ATG7: variants seen among roughly 807,000 people sequenced by gnomAD.
ATG7 encodes the protein autophagy related 7.
In ATG7, 70 loss-of-function variants were observed where a neutral mutation model predicts 82.4. The ratio of observed to expected loss-of-function variants is 0.85; its 90% CI spans 0.70 to 1.04. The LOEUF (loss-of-function observed/expected upper bound fraction) is 1.04, where lower values mean the gene tolerates loss of function less well. Ranked by LOEUF, ATG7 falls within the 50% of genes least tolerant of loss-of-function variation. ATG7 has a pLI of 0.00. For synonymous variants in ATG7, 287 were observed against 313.0 expected (o/e 0.92, Z 0.88); for missense variants, 792 against 864.3 (o/e 0.92, Z 1.05).
At chr3:11,553,449 TC>T (rs2072028564) in intron 20 of ATG7, among the ~76,000 whole-genome samples, 1 of 152,110 alleles carries the variant, frequency 6.6e-6, no homozygotes. Context: ...CTCAGTTTCT[TC>T]CACTCGGACC....
At chr3:11,295,843 A>G (rs1376877585) in intron 3 of ATG7, among the ~76,000 whole-genome samples, 4 of 149,888 alleles carry the variant, frequency 2.7e-5, no homozygotes, top group African/African-American at 7.4e-5. Context: ...CTGGAGTGCA[A>G]TGGCACAATC....
chr3:11,295,504 G>T (rs1276474832), intron 3 of ATG7, among the ~76,000 whole-genome samples: 2 of 152,168 alleles, frequency 1.3e-5, no homozygotes, highest in African/African-American at 4.8e-5. Flanking sequence ...GACACAGTCA[G>T]TTACTCCCCT....
intron 19 of ATG7, among the ~76,000 whole-genome samples, chr3:11,399,421 ATAT>A (rs1434632095): frequency 6.6e-6 from 1 of 152,330 alleles, no homozygotes; most frequent in Admixed American, 6.5e-5. Flanking sequence ...AAATGAAGTG[ATAT>A]TATTAAGGAG....
chr3:11,443,165 A>G (rs1460302986), intron 20 of ATG7, among the ~76,000 whole-genome samples: 1 of 151,852 alleles, frequency 6.6e-6, no homozygotes, highest in Admixed American at 6.6e-5. Context: ...CACCATACAC[A>G]CTTCTGTGTG....
chr3:11,313,306 T>A lies in ATG7; in HGVS notation c.414T>A (p.Asp138Glu). The A allele has an allele frequency of 3.2e-6, 5 of 1,584,420 alleles. No individual in the cohort carries two copies. The highest frequency in any genetic ancestry group is 4.3e-6 in the Non-Finnish European group (5 of 1,157,492). Residue 138 changes from aspartate to glutamate, a missense_variant and splice_region_variant, in exon 8 of 21, where the codon GAT (aspartate) becomes GAA (glutamate). Transcript: ENST00000693202. ...LNKFLLLTFADLKKYHFYYWF... is the reference protein window; with the variant it reads ...LNKFLLLTFAELKKYHFYYWF... The stretch of plus-strand genomic sequence containing the variant: ...CTTATTTATACTTTTTTTTCTAGGA[T>A]CTAAAGAAGTACCACTTCTACTATT...
chr3:11,533,052 G>A (rs2092722322), intron 20 of ATG7, among the ~76,000 whole-genome samples: 1 of 152,196 alleles, frequency 6.6e-6, no homozygotes, highest in African/African-American at 2.4e-5. Context: ...AATGACTGGA[G>A]GAAAGGTCAG....
At chr3:11,456,172 G>A (rs968778430) in intron 20 of ATG7, among the ~76,000 whole-genome samples, 11 of 152,138 alleles carry the variant, frequency 7.2e-5, no homozygotes, top group African/African-American at 2.4e-4. Flanking sequence ...AACCCTGAGC[G>A]ATGACTAATC....
intron 20 of ATG7, chr3:11,510,359 G>T (rs2091989188): frequency 2.3e-6 from 1 of 434,148 alleles, no homozygotes; most frequent in East Asian, 7.5e-5. Context: ...ATTTGTCTTT[G>T]TAAGTTTGTC....
chr3:11,508,191 A>G (rs1418131059), intron 20 of ATG7, among the ~76,000 whole-genome samples: 2 of 152,092 alleles, frequency 1.3e-5, no homozygotes, highest in African/African-American at 4.8e-5. Flanking sequence ...CTAGCTATGG[A>G]CAGGCCCCTA....
At chr3:11,538,203 G>A (rs948255970) in intron 20 of ATG7, among the ~76,000 whole-genome samples, 16 of 152,314 alleles carry the variant, frequency 1.1e-4, no homozygotes, top group South Asian at 6.2e-4. Context: ...GGGAATAACC[G>A]AGGGCCTCGT....
At chr3:11,423,046 A>G (rs928707779) in intron 19 of ATG7, among the ~76,000 whole-genome samples, 1 of 152,100 alleles carries the variant, frequency 6.6e-6, no homozygotes, top group Non-Finnish European at 1.5e-5. Context: ...GGCATGAGCC[A>G]CCGGGCTTGG....
chr3:11,309,075 C>T lies in ATG7; in HGVS notation c.411+14C>T, dbSNP rs769769788. The T allele has an allele frequency of 1.9e-6, 3 of 1,607,134 alleles. No individual in the cohort carries two copies. The highest frequency in any genetic ancestry group is 1.7e-5 in the Admixed American group (1 of 59,990). On this transcript the variant is annotated intron_variant, in intron 7 of 20. Transcript: ENST00000693202. Reference sequence around the variant, plus strand: ...TTGACATTTGCAGTAAGTAAATGGGCTCTCGGTTGCACCGAGGTTGGTGAA... The same window carrying T: ...TTGACATTTGCAGTAAGTAAATGGGTTCTCGGTTGCACCGAGGTTGGTGAA...
chr3:11,477,115 G>A, intron 20 of ATG7: 1 of 1,289,722 alleles, frequency 7.8e-7, no homozygotes, highest in South Asian at 1.2e-5. Context: ...TTAAAAGGGA[G>A]CATGTTTGTA....
chr3:11,352,427 A>C (rs2075627826), intron 14 of ATG7, among the ~76,000 whole-genome samples: 1 of 152,200 alleles, frequency 6.6e-6, no homozygotes, highest in Non-Finnish European at 1.5e-5. Flanking sequence ...TAATCGCCAC[A>C]CTGTCTTGCA....
chr3:11,514,289 T>G (rs2092193806), intron 20 of ATG7, among the ~76,000 whole-genome samples: 1 of 152,214 alleles, frequency 6.6e-6, no homozygotes, highest in African/African-American at 2.4e-5. Context: ...GCAAACTGTT[T>G]TCCTTCCCAT....
intron 20 of ATG7, chr3:11,446,453 A>AG: frequency 2.4e-6 from 1 of 416,184 alleles, no homozygotes; most frequent in Non-Finnish European, 4.7e-6. Context: ...TTTAGTCCGT[A>AG]GGGGAAACTT....
intron 18 of ATG7, among the ~76,000 whole-genome samples, chr3:11,374,629 T>C (rs1354566487): frequency 6.6e-6 from 1 of 151,946 alleles, no homozygotes; most frequent in Non-Finnish European, 1.5e-5. Flanking sequence ...AAAAAGTCCA[T>C]GTGTGGTGGC....
chr3:11,513,939 A>G (rs1013120942), intron 20 of ATG7, among the ~76,000 whole-genome samples: 10 of 152,156 alleles, frequency 6.6e-5, no homozygotes, highest in African/African-American at 1.9e-4. Flanking sequence ...TGTCACCACT[A>G]TGCAGTCTTG....
rs570777066 is a variant in ATG7 at position 11,539,574 on chromosome 3, G to C, written c.2080-15237G>C. On this transcript the variant is annotated intron_variant, in intron 20 of 20. Transcript: ENST00000693202. ...CTTTAGGGGAAGTGGGCCTGCTGGC[G>C]GGGGGTCGCCCACTTTCCACCTTTG... Among the ~76,000 whole-genome samples the C allele has an allele frequency of 2.8e-3, 425 of 152,356 alleles. 3 individuals are homozygous for C. Among genetic ancestry groups the C allele is most frequent in the Non-Finnish European group, 4.4e-3 (298 of 68,036 alleles).
Sources: allele counts gnomAD v4.1 joint callset (sites outside exome capture counted in the v4.1 genomes callset), GRCh38; gene constraint gnomAD v4.1.1; transcripts MANE v1.5; gene names NCBI Gene and HGNC (gene_info 2026-07-23, HGNC 2026-07-21).